KCNK9: variants seen among roughly 807,000 people sequenced by gnomAD.
KCNK9 encodes the protein potassium two pore domain channel subfamily K member 9, also known as potassium channel subfamily K member 9.
In KCNK9, 1 loss-of-function variant was observed where a neutral mutation model predicts 10.8. That is an observed-to-expected ratio of 0.09 (90% CI 0.03 to 0.44). The LOEUF is 0.44. KCNK9 is among the 20% of genes least tolerant of loss of function. KCNK9 has a pLI of 0.97. For synonymous variants in KCNK9, 231 were observed against 222.7 expected, an observed-to-expected ratio of 1.04 and a Z score of -0.33; for missense variants, 303 against 515.0, an observed-to-expected ratio of 0.59 and a Z score of 3.98.
chr8:139,683,717 AG>A (rs1387864912), intron 1 of KCNK9, among the ~76,000 whole-genome samples: 3 of 152,212 alleles, frequency 2.0e-5, no homozygotes, highest in Non-Finnish European at 4.4e-5. Flanking sequence ...CAGAGTGTGA[AG>A]GGCCACTGAA....
At chr8:139,669,304 T>C (rs1471768515) in intron 1 of KCNK9, among the ~76,000 whole-genome samples, 1 of 152,202 alleles carries the variant, frequency 6.6e-6, no homozygotes, top group East Asian at 1.9e-4. Context: ...TGACTCTTCC[T>C]TTCACCAAAG....
At chr8:139,633,515 G>A (rs1348671262) in intron 1 of KCNK9, among the ~76,000 whole-genome samples, 5 of 152,100 alleles carry the variant, frequency 3.3e-5, no homozygotes, top group African/African-American at 7.2e-5. Context: ...GCACAACTAC[G>A]GTGCTGACCT....
chr8:139,644,870 C>T (rs1011001342), intron 1 of KCNK9, among the ~76,000 whole-genome samples: 6 of 152,128 alleles, frequency 3.9e-5, no homozygotes, highest in African/African-American at 1.2e-4. Flanking sequence ...GCCTCCCCCG[C>T]GGAGCTGTCC....
chr8:139,696,818 TG>T (rs1055842720), intron 1 of KCNK9, among the ~76,000 whole-genome samples: 17 of 146,038 alleles, frequency 1.2e-4, no homozygotes, highest in Non-Finnish European at 2.2e-4. Context: ...AGTGGGTTGG[TG>T]GGTGGATGGG....
intron 2 of KCNK9, among the ~76,000 whole-genome samples, chr8:139,605,329 T>C (rs1817462087): frequency 6.6e-6 from 1 of 152,270 alleles, no homozygotes; most frequent in African/African-American, 2.4e-5. Context: ...GAAATGGTGC[T>C]CATCTACTTT....
Position 139,693,112 on chromosome 8 carries a change from T to C in KCNK9, c.283+9598A>G, listed in dbSNP as rs1263744299. Among the ~76,000 whole-genome samples the C allele has an allele frequency of 6.6e-6, 1 of 152,110 alleles. No individual in the cohort carries two copies. Among genetic ancestry groups the C allele is most frequent in the East Asian group, 1.9e-4 (1 of 5,174 alleles). On this transcript the variant is annotated intron_variant, in intron 1 of 1. Coordinates refer to ENST00000520439, the MANE Select transcript of KCNK9 (RefSeq NM_001282534.2). The surrounding 1 kb of genome is among the most constrained non-coding windows in gnomAD (Gnocchi z 4.1). ...TTCCACACCTCTGACAAACACCACA[T>C]GTGCGCTGCGTGCCTGTCAGCTGCA...
At chr8:139,638,884 C>T (rs1407350884) in intron 1 of KCNK9, among the ~76,000 whole-genome samples, 3 of 152,186 alleles carry the variant, frequency 2.0e-5, no homozygotes, top group South Asian at 2.1e-4. Flanking sequence ...AGGCCTGGAG[C>T]GAGTCCACCA....
intron 1 of KCNK9, among the ~76,000 whole-genome samples, chr8:139,669,954 A>C (rs913658632): frequency 6.6e-6 from 1 of 152,214 alleles, no homozygotes; most frequent in African/African-American, 2.4e-5. Flanking sequence ...CTCTTTGTAC[A>C]TCTCCATCAG....
chr8:139,630,621 C>A (rs1468732734), intron 1 of KCNK9, among the ~76,000 whole-genome samples: 1 of 152,204 alleles, frequency 6.6e-6, no homozygotes, highest in Admixed American at 6.5e-5. Flanking sequence ...GGGGTGGCAG[C>A]TCGGAGAGGG....
At chr8:139,610,992 C>A (rs147067030), downstream of KCNK9, among the ~76,000 whole-genome samples, 393 of 152,374 alleles carry the variant, frequency 2.6e-3, 4 homozygotes, top group African/African-American at 9.3e-3. Context: ...TAAAATAGCA[C>A]CCATTTGCTC....
intron 1 of KCNK9, among the ~76,000 whole-genome samples, chr8:139,622,787 T>C (rs577726954): frequency 6.6e-5 from 10 of 152,352 alleles, no homozygotes; most frequent in African/African-American, 2.4e-4. Flanking sequence ...CAAACAGGCC[T>C]GCGAATATTA....
At chr8:139,664,299 C>A (rs1816242130) in intron 1 of KCNK9, among the ~76,000 whole-genome samples, 2 of 152,186 alleles carry the variant, frequency 1.3e-5, no homozygotes, top group Non-Finnish European at 2.9e-5. Context: ...TGAGAGCAAA[C>A]CCTGCTGGTT....
chr8:139,628,655 C>G (rs1283699560), intron 1 of KCNK9, among the ~76,000 whole-genome samples: 3 of 152,210 alleles, frequency 2.0e-5, no homozygotes, highest in Non-Finnish European at 2.9e-5. Context: ...TTAATGAAAG[C>G]AATTTCCTCA....
chr8:139,667,175 G>A (rs1473659713), intron 1 of KCNK9, among the ~76,000 whole-genome samples: 1 of 152,220 alleles, frequency 6.6e-6, no homozygotes, highest in Non-Finnish European at 1.5e-5. Context: ...CTGGGATTCT[G>A]GCCCTGATTC....
chr8:139,602,821 C>T (rs1013969523), intron 2 of KCNK9, among the ~76,000 whole-genome samples: 7 of 152,252 alleles, frequency 4.6e-5, no homozygotes, highest in South Asian at 2.1e-4. Context: ...CAAGCTGGAA[C>T]ATCTGCTGTG....
chr8:139,688,808 A>G (rs1273928158), intron 1 of KCNK9, among the ~76,000 whole-genome samples: 1 of 152,200 alleles, frequency 6.6e-6, no homozygotes, highest in Admixed American at 6.5e-5. Flanking sequence ...AAGCAACATG[A>G]GCTGAGTGAC....
chr8:139,669,117 T>TA (rs11457017), intron 1 of KCNK9, among the ~76,000 whole-genome samples: 96,890 of 149,662 alleles, frequency 0.65, 31,867 homozygotes, highest in Non-Finnish European at 0.73. Flanking sequence ...ACTCTACTGC[T>TA]AAAAAAAAAA....
chr8:139,660,707 C>G (rs930095287), intron 1 of KCNK9, among the ~76,000 whole-genome samples: 1 of 152,096 alleles, frequency 6.6e-6, no homozygotes, highest in Non-Finnish European at 1.5e-5. Flanking sequence ...TATTGATTAA[C>G]AATAATGCAT....
intron 2 of KCNK9, among the ~76,000 whole-genome samples, chr8:139,607,316 G>A (rs1424897915): frequency 2.0e-5 from 3 of 152,220 alleles, no homozygotes; most frequent in Admixed American, 1.3e-4. Context: ...ATGAAGCCAA[G>A]GACTTGATCG....
Sources: gnomAD v4.1 joint callset for allele counts (sites outside exome capture counted in the v4.1 genomes callset) on GRCh38, gnomAD v4.1.1 for gene constraint, Gnocchi (gnomAD v3.1) non-coding constraint, MANE v1.5 for transcripts, NCBI Gene and HGNC (gene_info 2026-07-23, HGNC 2026-07-21) for gene names.